PRP4K: variants seen among roughly 807,000 people sequenced by gnomAD.
PRP4K encodes the protein pre-mRNA processing factor kinase PRP4K.
At chr6:4,040,216 A>G in the PRP4K span, among the ~76,000 whole-genome samples, 1 of 150,900 alleles carries the variant, frequency 6.6e-6, no homozygotes, top group Non-Finnish European at 1.5e-5. Flanking sequence ...ATTTACTGTC[A>G]TGTTAGTGAG....
At chr6:4,042,371 G>A in the PRP4K span, 3 of 720,152 alleles carry the variant, frequency 4.2e-6, no homozygotes, top group African/African-American at 1.9e-5. Context: ...AAAAGTAATA[G>A]GACTTAAGAC....
At chr6:4,042,893 T>C in the PRP4K span, among the ~76,000 whole-genome samples, 1 of 152,198 alleles carries the variant, frequency 6.6e-6, no homozygotes, top group Non-Finnish European at 1.5e-5. Context: ...GAATTTTATT[T>C]AGCAAAAAAT....
At chr6:4,033,172 T>G in the PRP4K span, among the ~76,000 whole-genome samples, 5 of 152,324 alleles carry the variant, frequency 3.3e-5, no homozygotes, top group Admixed American at 2.6e-4. Context: ...AACAATTGTG[T>G]TCTGTTCATT....
chr6:4,039,414 T>C, the PRP4K span, among the ~76,000 whole-genome samples: 1 of 152,198 alleles, frequency 6.6e-6, no homozygotes, highest in African/African-American at 2.4e-5. Context: ...TTCCTTATAA[T>C]CTGTCTATCT....
At chr6:4,043,912 A>G in the PRP4K span, 9 of 1,614,142 alleles carry the variant, frequency 5.6e-6, no homozygotes, top group Middle Eastern at 1.6e-4. Flanking sequence ...TCCAGATGAC[A>G]TTCTGGAGCG....
the PRP4K span, chr6:4,060,323 ATAT>A: frequency 9.1e-6 from 11 of 1,215,188 alleles, no homozygotes; most frequent in African/African-American, 1.7e-4. The surrounding 1 kb of genome is among the most constrained non-coding windows in gnomAD (Gnocchi z 4.7). Flanking sequence ...CATGTTTTTA[ATAT>A]TTTTGATAGA....
the PRP4K span, among the ~76,000 whole-genome samples, chr6:4,035,031 A>G: frequency 6.6e-6 from 1 of 151,226 alleles, no homozygotes; most frequent in African/African-American, 2.4e-5. Context: ...AGCAGACAAC[A>G]CTCTGTTCTT....
the PRP4K span, among the ~76,000 whole-genome samples, chr6:4,035,011 A>G: frequency 1.3e-5 from 2 of 151,508 alleles, no homozygotes; most frequent in East Asian, 2.0e-4. Flanking sequence ...GTTTATTTTC[A>G]TTGCATTTTA....
At chr6:4,024,415 T>C in the PRP4K span, among the ~76,000 whole-genome samples, 3 of 152,164 alleles carry the variant, frequency 2.0e-5, no homozygotes, top group African/African-American at 7.2e-5. Context: ...GGCGTTCACT[T>C]TGCTCGCCAC....
At chr6:4,022,561 G>A in the PRP4K span, among the ~76,000 whole-genome samples, 2 of 151,840 alleles carry the variant, frequency 1.3e-5, no homozygotes, top group Non-Finnish European at 2.9e-5. Context: ...GTGACTGAGC[G>A]ATAGAAGAAA....
At chr6:4,036,781 G>A in the PRP4K span, among the ~76,000 whole-genome samples, 1 of 151,904 alleles carries the variant, frequency 6.6e-6, no homozygotes, top group Non-Finnish European at 1.5e-5. Flanking sequence ...GAGGCCAGGA[G>A]TTCGAGACCA....
chr6:4,053,098 T>C, the PRP4K span, among the ~76,000 whole-genome samples: 2 of 152,266 alleles, frequency 1.3e-5, no homozygotes, highest in Admixed American at 1.3e-4. Context: ...CCTTTTTTTC[T>C]CTTTTGACTG....
the PRP4K span, chr6:4,032,640 A>C: frequency 6.2e-7 from 1 of 1,614,118 alleles, no homozygotes; most frequent in Non-Finnish European, 8.5e-7. Flanking sequence ...GAATGATAGA[A>C]GATCTAAGCA....
the PRP4K span, chr6:4,037,481 A>C: frequency 6.2e-7 from 1 of 1,614,106 alleles, no homozygotes; most frequent in South Asian, 1.1e-5. Context: ...CAACCCGAAG[A>C]AGAAGTAGAT....
chr6:4,040,867 A>C, the PRP4K span: 1 of 1,613,874 alleles, frequency 6.2e-7, no homozygotes, highest in African/African-American at 1.3e-5. Context: ...AAGGAAGATA[A>C]ATTTAAAGGA....
the PRP4K span, among the ~76,000 whole-genome samples, chr6:4,039,235 G>A: frequency 6.6e-6 from 1 of 152,188 alleles, no homozygotes; most frequent in Non-Finnish European, 1.5e-5. Context: ...TATTGTGACA[G>A]TGTAGGACTT....
At chr6:4,056,614 G>A in the PRP4K span, 1 of 1,585,072 alleles carries the variant, frequency 6.3e-7, no homozygotes, top group East Asian at 2.3e-5. Context: ...CAGGAGTCTT[G>A]ATCATGTCGG....
the PRP4K span, among the ~76,000 whole-genome samples, chr6:4,036,394 A>T: frequency 6.6e-6 from 1 of 152,132 alleles, no homozygotes; most frequent in South Asian, 2.1e-4. Flanking sequence ...GCTAATTTTG[A>T]TATTTTTTGT....
At chr6:4,032,005 G>A in the PRP4K span, 1 of 1,614,046 alleles carries the variant, frequency 6.2e-7, no homozygotes, top group South Asian at 1.1e-5. Context: ...TCTAGTACTA[G>A]ATCTTCAAGT....
Sources: allele counts gnomAD v4.1 joint callset (sites outside exome capture counted in the v4.1 genomes callset), GRCh38; gene constraint gnomAD v4.1.1; non-coding constraint Gnocchi (gnomAD v3.1); transcripts MANE v1.5; gene names NCBI Gene and HGNC (gene_info 2026-07-23, HGNC 2026-07-21).